DNAH8: variants seen among roughly 807,000 people sequenced by gnomAD.
DNAH8 encodes the protein dynein axonemal heavy chain 8.
DNAH8 carries 382 observed loss-of-function variants against 562.1 expected under a neutral mutation model. That is an observed-to-expected ratio of 0.68 (90% CI 0.63 to 0.74). The LOEUF is 0.74. Among genes scored for constraint, DNAH8 ranks in the 30% least tolerant of loss-of-function variants. DNAH8 has a pLI of 0.00. For missense variants in DNAH8, 5,203 were observed against 5,620.4 expected (o/e 0.93, Z 2.37); for synonymous variants, 1,881 against 1,919.4 (o/e 0.98, Z 0.52).
chr6:38,917,498 A>G, intron 69 of DNAH8, 92 bp downstream of exon 69: 1 of 1,002,792 alleles, frequency 1.0e-6, no homozygotes, highest in Non-Finnish European at 1.5e-6. Flanking sequence ...CTGGCAGACA[A>G]TAATTGATCA....
At chr6:38,962,192 G>C (rs1175642558) in intron 82 of DNAH8, among the ~76,000 whole-genome samples, 1 of 152,028 alleles carries the variant, frequency 6.6e-6, no homozygotes, top group East Asian at 1.9e-4. Flanking sequence ...GAGATTCAAT[G>C]TTGTAAAGAT....
intron 3 of DNAH8, among the ~76,000 whole-genome samples, chr6:38,725,304 TATAATA>T (rs10526350): frequency 2.5e-4 from 34 of 135,384 alleles, no homozygotes; most frequent in African/African-American, 5.6e-4. Context: ...CTCCAACTCA[TATAATA>T]ATAATAATAA....
At chr6:38,785,640 AC>A (rs1769086041) in intron 17 of DNAH8, among the ~76,000 whole-genome samples, 1 of 142,186 alleles carries the variant, frequency 7.0e-6, no homozygotes, top group Non-Finnish European at 1.5e-5. Flanking sequence ...CTTGCTCCCC[AC>A]CCCCCGACAG....
intron 10 of DNAH8, among the ~76,000 whole-genome samples, chr6:38,761,445 T>C (rs934823970): frequency 1.8e-4 from 28 of 151,468 alleles, no homozygotes; most frequent in African/African-American, 6.5e-4. Flanking sequence ...TCTCTAGTTT[T>C]TTTTTAATGT....
intron 65 of DNAH8, among the ~76,000 whole-genome samples, chr6:38,910,070 G>A (rs1198640176): frequency 6.6e-6 from 1 of 152,120 alleles, no homozygotes; most frequent in African/African-American, 2.4e-5. Flanking sequence ...TTTAAAATTA[G>A]TTTCTTATTC....
chr6:38,788,909 A>G (rs753479232), intron 18 of DNAH8, among the ~76,000 whole-genome samples: 49 of 152,214 alleles, frequency 3.2e-4, no homozygotes, highest in Admixed American at 1.3e-4. Context: ...TTTAGCTCTT[A>G]CCAAAATAGT....
At chr6:38,804,502 C>T (rs1459861102) in intron 22 of DNAH8, among the ~76,000 whole-genome samples, 1 of 152,122 alleles carries the variant, frequency 6.6e-6, no homozygotes, top group Non-Finnish European at 1.5e-5. Flanking sequence ...CTCTTCTCCC[C>T]AGCTGCTGCT....
In DNAH8 at chr6:38,965,104, A is replaced by G. The variant is rs149518801; in HGVS notation, c.12452-6488A>G. On this transcript the variant is annotated intron_variant, in intron 82 of 92. Transcript: ENST00000327475. ...ATAAAATAAAATAAAATAAAATAAA[A>G]TAAAATAAAATAATGTATAATACAT... is the stretch of plus-strand genomic sequence containing the variant. Among the ~76,000 whole-genome samples the G allele has an allele frequency of 2.9e-3, 233 of 80,038 alleles. 1 individual carries two copies. Among genetic ancestry groups the G allele is most frequent in the Non-Finnish European group, 5.3e-3 (178 of 33,644 alleles). The allele number at this position is 80,038 out of a possible 152,430, so 52.5% of individuals were successfully genotyped here.
At chr6:38,781,438 T>C (rs113681102) in intron 16 of DNAH8, 65 bp downstream of exon 16, 2 of 1,140,926 alleles carry the variant, frequency 1.8e-6, no homozygotes, top group Non-Finnish European at 2.5e-6. Flanking sequence ...ATATATCATA[T>C]CCTATAATAT....
At chr6:38,840,670 C>T (rs1562959267) in intron 33 of DNAH8, among the ~76,000 whole-genome samples, 1 of 152,166 alleles carries the variant, frequency 6.6e-6, no homozygotes, top group Non-Finnish European at 1.5e-5. Context: ...CTTTCTCTTT[C>T]CTGTTTAATA....
At chr6:38,994,153 G>A (rs1362268575) in intron 88 of DNAH8, among the ~76,000 whole-genome samples, 1 of 152,122 alleles carries the variant, frequency 6.6e-6, no homozygotes, top group African/African-American at 2.4e-5. Context: ...CTTATTTTGA[G>A]TGAAATTGAG....
At chr6:38,822,813 A>G (rs779935530) in intron 26 of DNAH8, 25 bp from the exon 27 acceptor site, 2 of 1,485,012 alleles carry the variant, frequency 1.3e-6, no homozygotes, top group Admixed American at 2.4e-5. Context: ...GAAGTTATTT[A>G]TAGTGTAAAA....
chr6:38,853,660 G>A (rs193149277), intron 41 of DNAH8, among the ~76,000 whole-genome samples: 71 of 151,370 alleles, frequency 4.7e-4, no homozygotes, highest in African/African-American at 1.6e-3. Flanking sequence ...GAAACTCCTC[G>A]ACTTATGATG....
intron 10 of DNAH8, among the ~76,000 whole-genome samples, chr6:38,761,450 T>A (rs932599602): frequency 6.6e-5 from 10 of 151,510 alleles, no homozygotes; most frequent in African/African-American, 2.2e-4. Context: ...AGTTTTTTTT[T>A]AATGTTATTA....
rs111692139 is a variant in DNAH8 at position 38,790,271 on chromosome 6, T to C, written c.2665-18T>C. Reference sequence around the variant, plus strand: ...CTCCTGTTGATAATAGAAGCAGTTGTGTTTTTACCGTTTCTAGGTGGAATC... The same window carrying C: ...CTCCTGTTGATAATAGAAGCAGTTGCGTTTTTACCGTTTCTAGGTGGAATC... On this transcript the variant is annotated intron_variant, in intron 19 of 92. Transcript: ENST00000327475. 1 of 1,366,872 alleles carries C rather than the reference T, an allele frequency of 7.3e-7. No individual in the cohort carries two copies. Among genetic ancestry groups the C allele is most frequent in the Non-Finnish European group, 1.0e-6 (1 of 958,210 alleles). The allele number at this position is 1,366,872 out of a possible 1,614,324, so 84.7% of individuals were successfully genotyped here.
chr6:38,761,429 T>A lies in DNAH8; in HGVS notation c.1516-273T>A, dbSNP rs575880569. On this transcript the variant is annotated intron_variant, in intron 10 of 92. Coordinates refer to ENST00000327475, the MANE Select transcript of DNAH8 (RefSeq NM_001206927.2). ...AATTCTGACAATGAAAATTCCAATT[T>A]CAAGTTCTCTAGTTTTTTTTTAATG... Among the ~76,000 whole-genome samples the A allele has an allele frequency of 1.2e-3, 184 of 149,722 alleles. 1 individual carries two copies. The highest frequency in any genetic ancestry group is 4.1e-3 in the African/African-American group (171 of 41,248).
intron 24 of DNAH8, among the ~76,000 whole-genome samples, chr6:38,809,624 T>C (rs2150310534): frequency 6.6e-6 from 1 of 152,336 alleles, no homozygotes; most frequent in East Asian, 1.9e-4. Flanking sequence ...TTCATTGATA[T>C]GTCTTCTTTA....
intron 24 of DNAH8, among the ~76,000 whole-genome samples, chr6:38,809,419 G>A (rs980898255): frequency 6.6e-6 from 1 of 152,210 alleles, no homozygotes; most frequent in Non-Finnish European, 1.5e-5. Context: ...TTTATGCTTA[G>A]TGTGAGGTAG....
intron 30 of DNAH8, among the ~76,000 whole-genome samples, chr6:38,831,107 C>T (rs1773795385): frequency 6.6e-6 from 1 of 152,030 alleles, no homozygotes; most frequent in Admixed American, 6.6e-5. Flanking sequence ...TAGTGAAACC[C>T]AGTTTTCTGC....
Sources: allele counts gnomAD v4.1 joint callset (sites outside exome capture counted in the v4.1 genomes callset), GRCh38; gene constraint gnomAD v4.1.1; transcripts MANE v1.5; gene names NCBI Gene and HGNC (gene_info 2026-07-23, HGNC 2026-07-21).